MELK: variants seen among roughly 807,000 people sequenced by gnomAD.
MELK encodes the protein maternal embryonic leucine zipper kinase, also known as pEg3 kinase.
Under a neutral mutation model 85.0 loss-of-function variants are expected in MELK, and 81 were observed. The ratio of observed to expected loss-of-function variants is 0.95; its 90% CI spans 0.80 to 1.15. The LOEUF (loss-of-function observed/expected upper bound fraction) is 1.15, where lower values mean the gene tolerates loss of function less well. MELK is among the 50% of genes most tolerant of loss of function. The probability of loss-of-function intolerance (pLI) is 0.00; values close to 1 mark genes in which losing one functional copy is unlikely to be tolerated. For synonymous variants in MELK, 252 were observed against 265.0 expected (o/e 0.95, Z 0.48); for missense variants, 754 against 777.5 (o/e 0.97, Z 0.36).
At chr9:36,654,363 T>TTC (rs1161187572) in intron 12 of MELK, among the ~76,000 whole-genome samples, 1 of 138,486 alleles carries the variant, frequency 7.2e-6, no homozygotes, top group African/African-American at 2.9e-5. Flanking sequence ...TTTTTTTTTT[T>TTC]TTTTTTTTTT....
chr9:36,596,399 G>GTA (rs1824241899), intron 5 of MELK, among the ~76,000 whole-genome samples: 6 of 151,940 alleles, frequency 3.9e-5, no homozygotes, highest in Admixed American at 3.9e-4. Flanking sequence ...GGGACTACAG[G>GTA]CGCCTGCCAC....
chr9:36,586,274 T>C (rs1165866874), intron 3 of MELK, among the ~76,000 whole-genome samples: 10 of 151,684 alleles, frequency 6.6e-5, no homozygotes, highest in Non-Finnish European at 1.3e-4. Context: ...GTCTGGGAGG[T>C]TGGGCTGCAG....
intron 8 of MELK, among the ~76,000 whole-genome samples, chr9:36,622,213 T>C (rs944615231): frequency 6.6e-6 from 1 of 152,240 alleles, no homozygotes; most frequent in African/African-American, 2.4e-5. Context: ...ATTTCACACA[T>C]TATAGATTTT....
chr9:36,607,553 T>G (rs1235603309), intron 7 of MELK, 22 bp from the exon 8 acceptor site: 5 of 1,543,172 alleles, frequency 3.2e-6, no homozygotes, highest in Non-Finnish European at 4.5e-6. Context: ...CAGTAATTTT[T>G]CTTTTTCCCT....
intron 11 of MELK, among the ~76,000 whole-genome samples, chr9:36,644,252 T>TGTGTGTGTG (rs1830032419): frequency 3.6e-5 from 5 of 137,722 alleles, no homozygotes; most frequent in African/African-American, 1.1e-4. Flanking sequence ...TGTGTGTGTG[T>TGTGTGTGTG]TTTAAGAGAT....
chr9:36,655,253 TG>T (rs1482486188), intron 12 of MELK, among the ~76,000 whole-genome samples: 2 of 152,118 alleles, frequency 1.3e-5, no homozygotes, highest in Admixed American at 1.3e-4. Context: ...AGAGGTGTCC[TG>T]GGGAGCTTTA....
chr9:36,615,627 C>T (rs1826636105), intron 8 of MELK, among the ~76,000 whole-genome samples: 1 of 132,582 alleles, frequency 7.5e-6, no homozygotes, highest in East Asian at 2.1e-4. Flanking sequence ...AGGGTCTCCT[C>T]ACTTCTCAGA....
At chr9:36,622,312 CA>C (rs1329993489) in intron 8 of MELK, among the ~76,000 whole-genome samples, 12 of 152,174 alleles carry the variant, frequency 7.9e-5, no homozygotes, top group South Asian at 4.1e-4. Flanking sequence ...GGTGTCGTAT[CA>C]CTTGCATGCA....
chr9:36,606,279 C>CATATGTATAGGTGTGTATATA (rs1825472334), intron 7 of MELK, among the ~76,000 whole-genome samples: 1 of 143,780 alleles, frequency 7.0e-6, no homozygotes, highest in Non-Finnish European at 1.5e-5. Context: ...ATAATATATA[C>CATATGTATAGGTGTGTATATA]ATATGTATAG....
At chr9:36,660,019 G>A (rs929096709) in intron 13 of MELK, among the ~76,000 whole-genome samples, 10 of 151,930 alleles carry the variant, frequency 6.6e-5, no homozygotes, top group African/African-American at 2.2e-4. Context: ...GGCTGGTCTC[G>A]AACTGCTGAC....
At chr9:36,588,649 G>C (rs750686104) in intron 3 of MELK, among the ~76,000 whole-genome samples, 1 of 152,110 alleles carries the variant, frequency 6.6e-6, no homozygotes, top group Non-Finnish European at 1.5e-5. Flanking sequence ...AAAGTGCTGG[G>C]ATTATACGCG....
rs759169302 is a variant in MELK, at chr9:36,597,203, AAT to A, written c.406-16_406-15del. On this transcript the variant is annotated splice_polypyrimidine_tract_variant and intron_variant, in intron 5 of 17. Coordinates refer to ENST00000298048, the MANE Select transcript of MELK (RefSeq NM_014791.4). ...AAGGAAGTCAGTATACAGTTATCAAAATATCTTTGTTTTCCCAGGAAAATTTG... is the reference window on the plus strand; with the variant it reads ...AAGGAAGTCAGTATACAGTTATCAAAATCTTTGTTTTCCCAGGAAAATTTG... 75 of 1,599,248 alleles carry A rather than the reference AAT, an allele frequency of 4.7e-5. 2 individuals are homozygous for A. The East Asian group carries it at 1.6e-3, about 34-fold the overall frequency.
chr9:36,675,045 G>A (rs1833227618), intron 17 of MELK, 108 bp downstream of exon 17: 1 of 688,392 alleles, frequency 1.5e-6, no homozygotes, highest in Non-Finnish European at 2.5e-6. Context: ...CAGCACTTTG[G>A]GAGGCTGAGG....
chr9:36,579,947 A>G (rs915352617), intron 1 of MELK, among the ~76,000 whole-genome samples: 2 of 152,090 alleles, frequency 1.3e-5, no homozygotes, highest in Non-Finnish European at 2.9e-5. Context: ...GCATAATAAT[A>G]AAATACATAT....
At chr9:36,642,618 G>A (rs905118794) in intron 10 of MELK, among the ~76,000 whole-genome samples, 1 of 151,660 alleles carries the variant, frequency 6.6e-6, no homozygotes, top group African/African-American at 2.4e-5. Flanking sequence ...TAGTAGAGAT[G>A]GGGTTTCACC....
intron 13 of MELK, among the ~76,000 whole-genome samples, chr9:36,664,428 G>C (rs554823172): frequency 2.8e-4 from 42 of 152,256 alleles, no homozygotes; most frequent in African/African-American, 9.6e-4. Flanking sequence ...TCAGGTAGGA[G>C]TTGTGCGTGC....
At position 36,583,542 on chromosome 9, in the gene MELK, TAG is replaced by T. The variant is rs1168346801; in HGVS notation, c.59-82_59-81del. 15 of 818,998 alleles carry T rather than the reference TAG, an allele frequency of 1.8e-5. No homozygotes were observed. In the Admixed American group the frequency reaches 3.2e-4, roughly 18 times the overall value. The allele number at this position is 818,998 out of a possible 1,614,324, so 50.7% of individuals were successfully genotyped here. A position where few individuals can be genotyped will look rare whatever the true frequency, so the allele number is the denominator to read the frequency against. ...AAACTTCTAGGAAAATTTGGCTTGA[TAG>T]AGTCTTTTAAAATTATTATATATAA... On this transcript the variant is annotated intron_variant, in intron 2 of 17. Transcript: ENST00000298048.
intron 3 of MELK, among the ~76,000 whole-genome samples, chr9:36,588,348 G>T (rs1823163703): frequency 1.3e-5 from 2 of 148,934 alleles, no homozygotes; most frequent in South Asian, 4.2e-4. Flanking sequence ...GGGATTACAG[G>T]CATGAGCCAC....
chr9:36,576,237 C>A (rs1253683632), intron 1 of MELK, among the ~76,000 whole-genome samples: 1 of 152,188 alleles, frequency 6.6e-6, no homozygotes, highest in Admixed American at 6.6e-5. Context: ...TCCCTCAGTA[C>A]TGGGACCTGA....
Sources: allele counts gnomAD v4.1 joint callset (sites outside exome capture counted in the v4.1 genomes callset), GRCh38; gene constraint gnomAD v4.1.1; transcripts MANE v1.5; gene names NCBI Gene and HGNC (gene_info 2026-07-23, HGNC 2026-07-21).